The following EPHB1 variants were observed in gnomAD, a reference collection of about 807,000 sequenced individuals.
EPHB1 encodes ephrin type-B receptor 1.
A neutral mutation model predicts 94.4 loss-of-function variants in EPHB1; 30 were observed. The ratio of observed to expected loss-of-function variants is 0.32; its 90% CI spans 0.24 to 0.43. The LOEUF (loss-of-function observed/expected upper bound fraction) is 0.43, where lower values mean the gene tolerates loss of function less well. EPHB1 is among the 20% of genes least tolerant of loss of function. The pLI, the probability that EPHB1 is intolerant of heterozygous loss-of-function variation, is 1.00. For missense variants in EPHB1, 1,055 were observed against 1,308.3 expected, an observed-to-expected ratio of 0.81 and a Z score of 2.99; for synonymous variants, 522 against 489.1, an observed-to-expected ratio of 1.07 and a Z score of -0.89.
intron 10 of EPHB1, among the ~76,000 whole-genome samples, chr3:135,186,418 C>T (rs1942329938): frequency 6.6e-6 from 1 of 152,226 alleles, no homozygotes; most frequent in Non-Finnish European, 1.5e-5. Context: ...AGCCGTAACT[C>T]ATTTATCTTG....
intron 15 of EPHB1, among the ~76,000 whole-genome samples, chr3:135,256,245 A>G (rs965025999): frequency 1.3e-5 from 2 of 152,126 alleles, no homozygotes; most frequent in African/African-American, 4.8e-5. Context: ...TTATGTGTGA[A>G]TTTGATTCTG....
intron 10 of EPHB1, among the ~76,000 whole-genome samples, chr3:135,189,901 C>G (rs1942414469): frequency 6.6e-6 from 1 of 152,230 alleles, no homozygotes; most frequent in African/African-American, 2.4e-5. Flanking sequence ...GCCTGTTAAA[C>G]AGTATCACTT....
At chr3:135,064,762 T>C (rs1413641837) in intron 3 of EPHB1, among the ~76,000 whole-genome samples, 3 of 152,128 alleles carry the variant, frequency 2.0e-5, no homozygotes, top group Non-Finnish European at 4.4e-5. Context: ...TTTAGTTTGT[T>C]CTTATTTCTC....
intron 3 of EPHB1, among the ~76,000 whole-genome samples, chr3:135,075,865 T>G (rs1937892970): frequency 6.6e-6 from 1 of 152,198 alleles, no homozygotes; most frequent in Non-Finnish European, 1.5e-5. Context: ...AGAAAATGTC[T>G]TGGCACCTGT....
At chr3:134,888,089 G>C (rs980969605) in intron 1 of EPHB1, among the ~76,000 whole-genome samples, 2 of 152,188 alleles carry the variant, frequency 1.3e-5, no homozygotes, top group Non-Finnish European at 2.9e-5. Context: ...CCCTGTCCTT[G>C]AAAACGGGTG....
intron 15 of EPHB1, among the ~76,000 whole-genome samples, chr3:135,252,765 G>T (rs1204942091): frequency 4.3e-5 from 6 of 140,696 alleles, no homozygotes; most frequent in Non-Finnish European, 7.8e-5. Flanking sequence ...GGTATTTCCA[G>T]TTCTAGATCC....
chr3:134,973,488 G>A lies in EPHB1; in HGVS notation c.805+21436G>A, dbSNP rs902870219. On this transcript the variant is annotated intron_variant, in intron 3 of 15. Transcript: ENST00000398015. The stretch of plus-strand genomic sequence containing the variant: ...CTCCCGTTGCTCAGGCTGGAGTGCA[G>A]TGGCATGATCTTGGCTCACTGCAAC... Among the ~76,000 whole-genome samples the A allele has an allele frequency of 2.9e-5, 4 of 140,160 alleles. No individual in the cohort carries two copies. The Admixed American group carries it at 3.0e-4, about 10-fold the overall frequency. 92.0% of individuals were successfully genotyped at this position (140,160 alleles called of 152,430 possible).
intron 13 of EPHB1, among the ~76,000 whole-genome samples, chr3:135,241,587 T>C (rs1194073614): frequency 6.6e-6 from 1 of 152,144 alleles, no homozygotes; most frequent in Non-Finnish European, 1.5e-5. Flanking sequence ...CATGAATAGA[T>C]CAGCCCCAAA....
intron 3 of EPHB1, among the ~76,000 whole-genome samples, chr3:135,076,234 G>T (rs1576365012): frequency 7.6e-6 from 1 of 131,170 alleles, no homozygotes; most frequent in African/African-American, 3.7e-5. Flanking sequence ...TCTGAAAAGG[G>T]ATATATATAT....
chr3:135,260,081 A>C lies in EPHB1; in HGVS notation c.*961A>C, dbSNP rs992442312. ...AAGTTTGCAAATTCAGACAGGAAAC[A>C]GGTGAGTGGTTTGAATTGGATGCAG... On this transcript the variant is annotated 3_prime_UTR_variant, in exon 16 of 16. Coordinates refer to ENST00000398015, the MANE Select transcript of EPHB1 (RefSeq NM_004441.5). 1 of 233,276 alleles carries C rather than the reference A, an allele frequency of 4.3e-6. No individual in the cohort carries two copies. The highest frequency in any genetic ancestry group is 8.5e-6 in the Non-Finnish European group (1 of 117,742). 14.5% of individuals were successfully genotyped at this position (233,276 alleles called of 1,614,324 possible).
intron 1 of EPHB1, among the ~76,000 whole-genome samples, chr3:134,829,921 G>T (rs913928923): frequency 5.3e-5 from 8 of 152,180 alleles, no homozygotes; most frequent in African/African-American, 1.7e-4. Flanking sequence ...ACCATCAGAA[G>T]CTAGAAGAGA....
At chr3:134,908,910 CAGATAGAG>C (rs1458470581) in intron 1 of EPHB1, among the ~76,000 whole-genome samples, 1 of 152,000 alleles carries the variant, frequency 6.6e-6, no homozygotes, top group Non-Finnish European at 1.5e-5. Flanking sequence ...CATAAGGGAA[CAGATAGAG>C]AGATGAAGTG....
At chr3:135,115,283 T>C (rs1055029508) in intron 4 of EPHB1, among the ~76,000 whole-genome samples, 2 of 152,226 alleles carry the variant, frequency 1.3e-5, no homozygotes, top group African/African-American at 4.8e-5. Flanking sequence ...GTCAAATTTA[T>C]AGGTTCTGGT....
chr3:135,151,819 A>G (rs1941204686), intron 5 of EPHB1, among the ~76,000 whole-genome samples: 1 of 152,242 alleles, frequency 6.6e-6, no homozygotes, highest in Non-Finnish European at 1.5e-5. Flanking sequence ...AGGTTGAGAT[A>G]CATGTACATT....
intron 3 of EPHB1, among the ~76,000 whole-genome samples, chr3:135,096,074 T>C (rs1488735449): frequency 6.6e-6 from 1 of 152,204 alleles, no homozygotes; most frequent in African/African-American, 2.4e-5. Context: ...CACCTCCAAG[T>C]ATATTATAGG....
intron 15 of EPHB1, among the ~76,000 whole-genome samples, chr3:135,257,278 A>G (rs1933440629): frequency 6.6e-6 from 1 of 152,110 alleles, no homozygotes; most frequent in South Asian, 2.1e-4. Flanking sequence ...GTTCCTTTGG[A>G]GGAGGAGAGG....
intron 3 of EPHB1, among the ~76,000 whole-genome samples, chr3:135,034,779 G>A (rs978602718): frequency 7.2e-5 from 11 of 152,232 alleles, no homozygotes; most frequent in Non-Finnish European, 1.5e-4. Flanking sequence ...AGCAGGTGGG[G>A]GCCCCAGACT....
chr3:135,107,544 A>G (rs1176828311), intron 4 of EPHB1, among the ~76,000 whole-genome samples: 1 of 152,172 alleles, frequency 6.6e-6, no homozygotes, highest in Non-Finnish European at 1.5e-5. Flanking sequence ...TCTTCATTGG[A>G]TAATGCTTCC....
chr3:135,201,192 T>C (rs752496518), intron 11 of EPHB1, among the ~76,000 whole-genome samples: 4 of 151,966 alleles, frequency 2.6e-5, no homozygotes, highest in Non-Finnish European at 5.9e-5. Flanking sequence ...TTGTAGGTGA[T>C]GGATGATGGC....
Sources: gnomAD v4.1 joint callset for allele counts (sites outside exome capture counted in the v4.1 genomes callset) on GRCh38, gnomAD v4.1.1 for gene constraint, MANE v1.5 for transcripts, NCBI Gene and HGNC (gene_info 2026-07-23, HGNC 2026-07-21) for gene names.